SPEF2: variants seen among roughly 807,000 people sequenced by gnomAD.
SPEF2 encodes the protein sperm flagellar and cilia associated 2.
A neutral mutation model predicts 224.6 loss-of-function variants in SPEF2; 187 were observed. That is an observed-to-expected ratio of 0.83 (90% CI 0.74 to 0.94). SPEF2 has a LOEUF of 0.94. Ranked by LOEUF, SPEF2 falls within the 40% of genes least tolerant of loss-of-function variation. The pLI is 0.00. For synonymous variants in SPEF2, 715 were observed against 707.3 expected, an observed-to-expected ratio of 1.01 and a Z score of -0.17; for missense variants, 2,170 against 2,135.6, an observed-to-expected ratio of 1.02 and a Z score of -0.32.
At chr5:35,741,018 G>A (rs1747531361) in intron 23 of SPEF2, among the ~76,000 whole-genome samples, 1 of 152,040 alleles carries the variant, frequency 6.6e-6, no homozygotes, top group Non-Finnish European at 1.5e-5. Context: ...TCAAACCCAT[G>A]CCCCATTCAT....
At chr5:35,729,949 A>G (rs1745356767) in intron 21 of SPEF2, among the ~76,000 whole-genome samples, 1 of 152,184 alleles carries the variant, frequency 6.6e-6, no homozygotes, top group Non-Finnish European at 1.5e-5. Flanking sequence ...TGTAAGTCCA[A>G]TTAAACCTTT....
intron 30 of SPEF2, chr5:35,781,651 A>G (rs943332242): frequency 1.1e-4 from 16 of 151,284 alleles, no homozygotes; most frequent in African/African-American, 3.4e-4. Context: ...CACAGAATTT[A>G]CAAGGCTATA....
chr5:35,709,379 C>A, intron 19 of SPEF2: 1 of 1,229,678 alleles, frequency 8.1e-7, no homozygotes, highest in African/African-American at 1.6e-5. Context: ...AGACCACAGA[C>A]GAGAAGAGGA....
intron 10 of SPEF2, among the ~76,000 whole-genome samples, chr5:35,683,193 C>T (rs1027971653): frequency 2.6e-5 from 4 of 152,128 alleles, no homozygotes; most frequent in African/African-American, 7.2e-5. Context: ...CATGTGAGTG[C>T]TTTGGATCCA....
chr5:35,738,162 G>T (rs1022123865), intron 21 of SPEF2, among the ~76,000 whole-genome samples: 3 of 152,028 alleles, frequency 2.0e-5, no homozygotes, highest in East Asian at 1.9e-4. Flanking sequence ...CCTTCTGTAG[G>T]TTGCCTGTTC....
chr5:35,759,115 G>GT (rs60030399), intron 24 of SPEF2, among the ~76,000 whole-genome samples: 65 of 148,516 alleles, frequency 4.4e-4, no homozygotes, highest in South Asian at 2.1e-3. Flanking sequence ...AGAACCCAGT[G>GT]TTTTTTTTTG....
At chr5:35,739,340 G>A (rs1008114000) in intron 21 of SPEF2, among the ~76,000 whole-genome samples, 3 of 152,132 alleles carry the variant, frequency 2.0e-5, no homozygotes, top group African/African-American at 7.2e-5. Flanking sequence ...AACCTCAGTG[G>A]ATGACCTTGC....
intron 20 of SPEF2, 55 bp downstream of exon 20, chr5:35,712,941 C>T: frequency 6.7e-7 from 1 of 1,492,614 alleles, no homozygotes; most frequent in Non-Finnish European, 9.2e-7. Flanking sequence ...TTATAACTAT[C>T]TCAGTGAAAA....
At chr5:35,759,173 A>G (rs1484927747) in intron 24 of SPEF2, among the ~76,000 whole-genome samples, 1 of 152,030 alleles carries the variant, frequency 6.6e-6, no homozygotes, top group Non-Finnish European at 1.5e-5. Context: ...TTATCTCTCA[A>G]ATCAACTCAT....
At chr5:35,618,733 C>T (rs1743020397) in intron 1 of SPEF2, among the ~76,000 whole-genome samples, 3 of 152,128 alleles carry the variant, frequency 2.0e-5, no homozygotes, top group African/African-American at 7.2e-5. Flanking sequence ...TATTCACCAA[C>T]CTAATTTTAT....
chr5:35,724,068 C>T (rs767969600), intron 20 of SPEF2, among the ~76,000 whole-genome samples: 6 of 152,132 alleles, frequency 3.9e-5, no homozygotes, highest in Non-Finnish European at 8.8e-5. Flanking sequence ...TATATAATCT[C>T]ATTAAGTTCT....
intron 23 of SPEF2, among the ~76,000 whole-genome samples, chr5:35,749,611 A>C (rs1749091022): frequency 6.8e-6 from 1 of 147,108 alleles, no homozygotes; most frequent in Non-Finnish European, 1.5e-5. Context: ...CCATAGCTGC[A>C]AAAAAAATGA....
chr5:35,786,393 C>T (rs746980274), intron 30 of SPEF2, among the ~76,000 whole-genome samples: 5 of 152,232 alleles, frequency 3.3e-5, no homozygotes, highest in Admixed American at 6.5e-5. Context: ...GGCGTGGTGG[C>T]TCACGCCAGT....
At chr5:35,807,370 C>T in intron 36 of SPEF2, 117 bp downstream of exon 36, 1 of 1,405,550 alleles carries the variant, frequency 7.1e-7, no homozygotes, top group Non-Finnish European at 9.6e-7. Flanking sequence ...CCAGGCCAGG[C>T]CAGAATCTGG....
At chr5:35,787,999 T>C (rs1032083105) in intron 30 of SPEF2, 10 of 685,378 alleles carry the variant, frequency 1.5e-5, no homozygotes, top group Admixed American at 1.1e-4. Flanking sequence ...GGCTTATATA[T>C]GATGAGCTAT....
At chr5:35,692,406 G>A (rs911585969) in intron 11 of SPEF2, among the ~76,000 whole-genome samples, 164 bp from the exon 12 acceptor site, 8 of 152,204 alleles carry the variant, frequency 5.3e-5, no homozygotes, top group African/African-American at 7.2e-5. Flanking sequence ...GCGAGACTCC[G>A]TCTCAAACAA....
At chr5:35,656,816 A>G (rs1749024447) in intron 7 of SPEF2, among the ~76,000 whole-genome samples, 2 of 152,226 alleles carry the variant, frequency 1.3e-5, no homozygotes, top group Admixed American at 1.3e-4. Flanking sequence ...ATATATTTCC[A>G]TCACAGGAAC....
At chr5:35,619,707 CA>C (rs1175684368) in intron 1 of SPEF2, among the ~76,000 whole-genome samples, 1 of 151,952 alleles carries the variant, frequency 6.6e-6, no homozygotes, top group East Asian at 1.9e-4. Flanking sequence ...AACAAACAAA[CA>C]AACAAAAAAC....
chr5:35,708,204 T>A (rs944503089), intron 18 of SPEF2, among the ~76,000 whole-genome samples: 1 of 152,128 alleles, frequency 6.6e-6, no homozygotes, highest in African/African-American at 2.4e-5. Context: ...GTTGCAGGAA[T>A]GAATGAATTG....
Sources: allele counts gnomAD v4.1 joint callset (sites outside exome capture counted in the v4.1 genomes callset), GRCh38; gene constraint gnomAD v4.1.1; transcripts MANE v1.5; gene names NCBI Gene and HGNC (gene_info 2026-07-23, HGNC 2026-07-21).